The following CLEC12A variants were observed in gnomAD, a reference collection of about 807,000 sequenced individuals.
CLEC12A encodes C-type lectin protein CLL-1.
CLEC12A carries 22 observed loss-of-function variants against 26.5 expected under a neutral mutation model. The ratio of observed to expected loss-of-function variants is 0.83; its 90% confidence interval spans 0.59 to 1.19. The LOEUF (loss-of-function observed/expected upper bound fraction) is 1.19. Among genes scored for constraint, CLEC12A ranks in the 50% most tolerant of loss-of-function variants. The pLI is 0.00. For synonymous variants in CLEC12A, 119 were observed against 101.9 expected (o/e 1.17, Z -1.01); for missense variants, 353 against 315.6 (o/e 1.12, Z -0.90).
At chr12:9,980,488 CA>C in intron 3 of CLEC12A, 93 bp from the exon 4 acceptor site, 1 of 1,207,938 alleles carries the variant, frequency 8.3e-7, no homozygotes, top group East Asian at 2.5e-5. Flanking sequence ...GAATAAACAG[CA>C]AATGTGATCA....
rs148436808 is a variant in CLEC12A, at chr12:9,984,915, T to C, written c.687T>C (p.Tyr229=). 5.4e-5 allele frequency: 86 copies of C among 1,582,112 alleles called. No individual in the cohort carries two copies. In the African/African-American group the frequency reaches 9.6e-4, roughly 18 times the overall value. ...APDLNNMYCG[Y]INRLYVQYYH... ...ACTTAAATAACATGTATTGTGGATA[T>C]ATAAATAGACTATATGTTCAATATT... The change falls in exon 6 of 6, where the codon TAT becomes TAC. Residue 229 remains tyrosine, a synonymous_variant. Transcript: ENST00000304361.
chr12:9,961,589 A>G (rs922525367), intron 1 of CLEC12A, among the ~76,000 whole-genome samples: 6 of 152,196 alleles, frequency 3.9e-5, no homozygotes, highest in African/African-American at 1.2e-4. Flanking sequence ...GAGAAGGCAA[A>G]ATTTGAGGGG....
At chr12:10,004,207 T>G in the CLEC12A span, among the ~76,000 whole-genome samples, 1 of 152,202 alleles carries the variant, frequency 6.6e-6, no homozygotes, top group African/African-American at 2.4e-5. Flanking sequence ...TTCTTTTAGC[T>G]CTGCCATCTG....
downstream of CLEC12A, chr12:9,985,704 A>C: frequency 2.7e-6 from 1 of 374,070 alleles, no homozygotes. Context: ...TTGTTCTGAA[A>C]AAAAATATAT....
At chr12:9,954,606 T>G (rs1481584228) in intron 1 of CLEC12A, among the ~76,000 whole-genome samples, 1 of 152,248 alleles carries the variant, frequency 6.6e-6, no homozygotes, top group Non-Finnish European at 1.5e-5. Context: ...AACATGTTCA[T>G]AAACCAGTGA....
exon 5 of CLEC12A, chr12:9,995,399 C>A: frequency 1.4e-6 from 1 of 711,414 alleles, no homozygotes; most frequent in Non-Finnish European, 2.5e-6. Flanking sequence ...GAAATTGTAC[C>A]AATTTGACTT....
intron 3 of CLEC12A, among the ~76,000 whole-genome samples, chr12:9,980,158 A>G (rs1015722321): frequency 1.3e-5 from 2 of 152,202 alleles, no homozygotes; most frequent in Non-Finnish European, 2.9e-5. Flanking sequence ...AAAATAACAA[A>G]GAGGAATTGA....
chr12:9,996,725 T>C (rs757286999), downstream of CLEC12A: 12 of 971,858 alleles, frequency 1.2e-5, no homozygotes, highest in Non-Finnish European at 1.8e-5. Context: ...TTCACAAGGG[T>C]CTTAGATTAG....
rs1160987717 is a variant in CLEC12A at position 9,983,783 on chromosome 12, A to C, written c.642-1087A>C. On this transcript the variant is annotated intron_variant, in intron 5 of 5. Transcript: ENST00000304361. ...TTCACATAGAAATAGTAAGTGTAGG[A>C]GTGTGGGTCAGAAAGAAAAGGTGGC... is the stretch of plus-strand genomic sequence containing the variant. 1.0e-5 allele frequency: 4 copies of C among 386,978 alleles called. No individual in the cohort carries two copies. In the South Asian group the frequency reaches 1.8e-4, roughly 17 times the overall value. 24.0% of individuals were successfully genotyped at this position (386,978 alleles called of 1,614,324 possible). A position where few individuals can be genotyped will look rare whatever the true frequency, so the allele number is the denominator to read the frequency against.
chr12:9,976,102 A>T (rs575113857), intron 1 of CLEC12A, among the ~76,000 whole-genome samples: 2 of 152,220 alleles, frequency 1.3e-5, no homozygotes, highest in South Asian at 4.1e-4. Context: ...GTGCTCATGG[A>T]TAACCTCTGC....
At chr12:9,976,655 G>A (rs750165081) in intron 1 of CLEC12A, among the ~76,000 whole-genome samples, 1 of 152,192 alleles carries the variant, frequency 6.6e-6, no homozygotes, top group Non-Finnish European at 1.5e-5. Context: ...TTTGGGGACT[G>A]TTGGGAAGGC....
intron 1 of CLEC12A, among the ~76,000 whole-genome samples, chr12:9,977,345 C>A (rs74065434): frequency 8.5e-5 from 13 of 152,240 alleles, no homozygotes; most frequent in African/African-American, 3.1e-4. Context: ...AGATTAAATT[C>A]TTCCAGTGGT....
chr12:9,972,448 C>A (rs955657492), intron 1 of CLEC12A, among the ~76,000 whole-genome samples: 1 of 152,068 alleles, frequency 6.6e-6, no homozygotes, highest in Non-Finnish European at 1.5e-5. Flanking sequence ...TGGTTCTTGC[C>A]TTCTGGCTCC....
chr12:9,985,637 A>G (rs138589724), downstream of CLEC12A: 322 of 394,162 alleles, frequency 8.2e-4, 2 homozygotes, highest in African/African-American at 6.2e-3. Context: ...GTGTTGAGCT[A>G]CTGTAAGCTT....
chr12:9,974,417 T>C (rs1864251183), intron 1 of CLEC12A, among the ~76,000 whole-genome samples: 1 of 152,182 alleles, frequency 6.6e-6, no homozygotes, highest in Non-Finnish European at 1.5e-5. Flanking sequence ...GACTCCCCAA[T>C]ATCTCTGTAT....
intron 1 of CLEC12A, among the ~76,000 whole-genome samples, chr12:9,957,922 A>G (rs1031130245): frequency 1.3e-5 from 2 of 152,230 alleles, no homozygotes; most frequent in Non-Finnish European, 2.9e-5. Context: ...AAATTAAAGT[A>G]GGAGAATATT....
the CLEC12A span, among the ~76,000 whole-genome samples, chr12:10,002,842 C>G: frequency 6.6e-6 from 1 of 152,080 alleles, no homozygotes. Flanking sequence ...TTCATAGACT[C>G]CATTATCTAT....
chr12:9,967,671 G>C (rs937825210), upstream of CLEC12A, among the ~76,000 whole-genome samples: 1 of 151,984 alleles, frequency 6.6e-6, no homozygotes, highest in Non-Finnish European at 1.5e-5. Flanking sequence ...GAAGGAGAAG[G>C]GGTTGGGGGG....
intron 4 of CLEC12A, among the ~76,000 whole-genome samples, chr12:9,981,446 T>A (rs1864552557): frequency 6.6e-6 from 1 of 152,178 alleles, no homozygotes; most frequent in African/African-American, 2.4e-5. Flanking sequence ...ACTTTCATCA[T>A]CCTTTATAGA....
Sources: gnomAD v4.1 joint callset for allele counts (sites outside exome capture counted in the v4.1 genomes callset) on GRCh38, gnomAD v4.1.1 for gene constraint, MANE v1.5 for transcripts, NCBI Gene and HGNC (gene_info 2026-07-23, HGNC 2026-07-21) for gene names.